Variants in IPO7 observed in about 807,000 individuals in gnomAD.
IPO7 encodes importin-7.
IPO7 carries 13 observed loss-of-function variants against 136.4 expected under a neutral mutation model. That is an observed-to-expected ratio of 0.10 (90% CI 0.06 to 0.15). The LOEUF (loss-of-function observed/expected upper bound fraction) is 0.15. IPO7 is among the 10% of genes least tolerant of loss of function. The probability of loss-of-function intolerance (pLI) is 1.00; values close to 1 mark genes in which losing one functional copy is unlikely to be tolerated. For synonymous variants in IPO7, 403 were observed against 404.4 expected, an observed-to-expected ratio of 1.00 and a Z score of 0.04; for missense variants, 857 against 1,240.6, an observed-to-expected ratio of 0.69 and a Z score of 4.65.
At chr11:9,418,308 A>T (rs562717524) in intron 6 of IPO7, among the ~76,000 whole-genome samples, 78 of 151,486 alleles carry the variant, frequency 5.1e-4, no homozygotes, top group Non-Finnish European at 6.9e-4. Flanking sequence ...TGACCTTGTG[A>T]TCCACCCGCC....
At chr11:9,392,194 T>TTTTTGG in intron 1 of IPO7, 1 of 322,560 alleles carries the variant, frequency 3.1e-6, no homozygotes, top group Non-Finnish European at 6.0e-6. Context: ...TTTTTTTTTT[T>TTTTTGG]GAGACGGAGT....
intron 22 of IPO7, among the ~76,000 whole-genome samples, chr11:9,438,974 C>T (rs1052037419): frequency 2.0e-5 from 3 of 152,082 alleles, no homozygotes; most frequent in Non-Finnish European, 4.4e-5. Context: ...CACTTAAGAG[C>T]GAGAGATTAT....
At chr11:9,439,838 G>GAGCCACT (rs1855436547) in intron 22 of IPO7, among the ~76,000 whole-genome samples, 1 of 152,182 alleles carries the variant, frequency 6.6e-6, no homozygotes, top group African/African-American at 2.4e-5. Context: ...CTCCTAAAGT[G>GAGCCACT]TTGGGATTAC....
chr11:9,412,830 C>CAAAAA (rs71062848), intron 4 of IPO7, among the ~76,000 whole-genome samples: 1 of 146,848 alleles, frequency 6.8e-6, no homozygotes. Context: ...GCACTTTCTC[C>CAAAAA]AAAAAAAAAA....
In IPO7 at chr11:9,433,742, C is replaced by G; in HGVS notation, c.1970C>G (p.Ser657Cys). The change falls in exon 18 of 25, where the codon TCT becomes TGT. Residue 657 changes from serine (S) to cysteine (C), a missense_variant. This residue lies in a region of IPO7 where 190 missense variants were observed against 249.0 expected (regional missense o/e 0.76). Transcript: ENST00000379719. ...TTAGAATTCTATGAGGAGATCTTCT[C>G]TTTAGCGCACAGTTTGACATGTCAA... ...HVLEFYEEIF[S>C]LAHSLTCQQV... 6.2e-7 allele frequency: 1 copy of G among 1,612,476 alleles called. No individual in the cohort carries two copies. Among genetic ancestry groups the G allele is most frequent in the Non-Finnish European group, 8.5e-7 (1 of 1,179,958 alleles).
At chr11:9,399,265 C>G (rs976402964) in intron 1 of IPO7, among the ~76,000 whole-genome samples, 1 of 151,356 alleles carries the variant, frequency 6.6e-6, no homozygotes, top group Non-Finnish European at 1.5e-5. Flanking sequence ...CGGGTTCAAG[C>G]GATTCTCCTG....
At position 9,428,563 on chromosome 11, in the gene IPO7, G is replaced by C; in HGVS notation, c.1359G>C (p.Met453Ile). 6.5e-7 allele frequency: 1 copy of C among 1,531,332 alleles called. No homozygotes were observed. Among genetic ancestry groups the C allele is most frequent in the Non-Finnish European group, 9.0e-7 (1 of 1,114,428 alleles). 94.9% of individuals were successfully genotyped at this position (1,531,332 alleles called of 1,614,324 possible). A position where few individuals can be genotyped will look rare whatever the true frequency, so the allele number is the denominator to read the frequency against. ...AGAAAAAGATCTATAAAGATCAGAT[G>C]GAATACATGTTGCAGAATCATGTAT... Reference protein sequence around the residue: ...LLKKKIYKDQMEYMLQNHVFP... With the variant: ...LLKKKIYKDQIEYMLQNHVFP... Residue 453 changes from methionine (M) to isoleucine (I), a missense_variant, in exon 13 of 25, where the codon ATG (methionine) becomes ATC (isoleucine). Around this residue, in one of 11 missense-constraint regions of IPO7, gnomAD observed 127 missense variants for 222.4 expected, o/e 0.57. Coordinates refer to ENST00000379719, the MANE Select transcript of IPO7 (RefSeq NM_006391.3).
intron 24 of IPO7, among the ~76,000 whole-genome samples, chr11:9,442,747 G>A (rs1855476142): frequency 6.6e-6 from 1 of 151,904 alleles, no homozygotes; most frequent in East Asian, 2.0e-4. Context: ...ATTGGGCCAG[G>A]TGTGGTGGCT....
chr11:9,413,306 A>G (rs546613038), intron 4 of IPO7, among the ~76,000 whole-genome samples: 1 of 152,180 alleles, frequency 6.6e-6, no homozygotes, highest in African/African-American at 2.4e-5. Context: ...TTGTTGCCCT[A>G]TGGGTTAATA....
At chr11:9,439,016 ATAGT>A (rs1855423654) in intron 22 of IPO7, among the ~76,000 whole-genome samples, 2 of 152,082 alleles carry the variant, frequency 1.3e-5, no homozygotes, top group Admixed American at 6.6e-5. Flanking sequence ...GCATGAGCCT[ATAGT>A]CCCAGCTACT....
chr11:9,423,353 A>G (rs1435391440), intron 9 of IPO7, among the ~76,000 whole-genome samples: 1 of 152,074 alleles, frequency 6.6e-6, no homozygotes, highest in African/African-American at 2.4e-5. Context: ...TTAATCCAAA[A>G]CTGTTGTCTT....
intron 1 of IPO7, among the ~76,000 whole-genome samples, chr11:9,388,700 A>G (rs1231778829): frequency 6.8e-6 from 1 of 146,954 alleles, no homozygotes; most frequent in Admixed American, 6.8e-5. Flanking sequence ...GCTTATTTTT[A>G]ATTTTTTCAG....
intron 4 of IPO7, among the ~76,000 whole-genome samples, chr11:9,413,785 G>A (rs899705841): frequency 1.3e-5 from 2 of 151,772 alleles, no homozygotes; most frequent in African/African-American, 4.9e-5. Context: ...TTTCTAAATT[G>A]GTTAGGAAGT....
In IPO7 at chr11:9,445,367, A is replaced by C; in HGVS notation, c.*173A>C. 1 of 201,894 alleles carries C rather than the reference A, an allele frequency of 5.0e-6. No individual in the cohort carries two copies. The highest frequency in any genetic ancestry group is 8.4e-5 in the East Asian group (1 of 11,840). 12.5% of individuals were successfully genotyped at this position (201,894 alleles called of 1,614,324 possible). A position where few individuals can be genotyped will look rare whatever the true frequency, so the allele number is the denominator to read the frequency against. On this transcript the variant is annotated 3_prime_UTR_variant, in exon 25 of 25. Transcript: ENST00000379719. Reference sequence around the variant, plus strand: ...ATCATGCAACCTGGCACTGGAAAAGAAATCAGCGGGATTTTGGGGGTGGGG... The same window carrying C: ...ATCATGCAACCTGGCACTGGAAAAGCAATCAGCGGGATTTTGGGGGTGGGG...
chr11:9,406,789 G>A (rs541313033), intron 2 of IPO7, among the ~76,000 whole-genome samples: 1 of 152,188 alleles, frequency 6.6e-6, no homozygotes, highest in East Asian at 1.9e-4. Flanking sequence ...CAGGAGAATC[G>A]CTTGAGCCTG....
chr11:9,422,883 A>G (rs937547990), intron 8 of IPO7, 123 bp from the exon 9 acceptor site: 24 of 522,196 alleles, frequency 4.6e-5, no homozygotes, highest in Admixed American at 1.9e-4. Flanking sequence ...TTTTCAAAGT[A>G]TACGGTTGTT....
chr11:9,407,547 C>G (rs1186043948), intron 2 of IPO7, among the ~76,000 whole-genome samples: 1 of 152,056 alleles, frequency 6.6e-6, no homozygotes, highest in East Asian at 1.9e-4. Flanking sequence ...GAGCAAGACT[C>G]CATCTCATAA....
chr11:9,384,671 C>G lies in IPO7; in HGVS notation c.-93C>G. 1 of 1,084,628 alleles carries G rather than the reference C, an allele frequency of 9.2e-7. No homozygotes were observed. The highest frequency in any genetic ancestry group is 1.3e-6 in the Non-Finnish European group (1 of 753,232). 67.2% of individuals were successfully genotyped at this position (1,084,628 alleles called of 1,614,324 possible). A position where few individuals can be genotyped will look rare whatever the true frequency, so the allele number is the denominator to read the frequency against. ...CTCTTTCCTTTCGCGCCGGTTGCCG[C>G]TGCGGAGCGCGGCGGGTCCATGTGC... On this transcript the variant is annotated 5_prime_UTR_variant, in exon 1 of 25. Transcript: ENST00000379719.
At position 9,429,838 on chromosome 11, in the gene IPO7, T is replaced by C. The variant is rs777849947; in HGVS notation, c.1752+4T>C. The C allele has an allele frequency of 1.3e-6, 2 of 1,583,244 alleles. No individual in the cohort carries two copies. Among genetic ancestry groups the C allele is most frequent in the Middle Eastern group, 1.7e-4 (1 of 5,728 alleles). ...AGTAGAAATGACACAACATTTGGTA[T>C]GTTGTTTGAACCTACCATATTTGCA... On this transcript the variant is annotated splice_donor_region_variant and intron_variant, in intron 15 of 24. Coordinates refer to ENST00000379719, the MANE Select transcript of IPO7 (RefSeq NM_006391.3).
Sources: allele counts gnomAD v4.1 joint callset (sites outside exome capture counted in the v4.1 genomes callset), GRCh38; gene constraint gnomAD v4.1.1; regional missense constraint gnomAD v4.1.1; transcripts MANE v1.5; gene names NCBI Gene and HGNC (gene_info 2026-07-23, HGNC 2026-07-21).